GRAMD2A: variants seen among roughly 807,000 people sequenced by gnomAD.
The protein encoded by GRAMD2A is GRAM domain-containing protein 2A.
GRAMD2A carries 37 observed loss-of-function variants against 51.1 expected under a neutral mutation model. That is an observed-to-expected ratio of 0.72 (90% CI 0.56 to 0.95). The LOEUF (loss-of-function observed/expected upper bound fraction) is 0.95. Ranked by LOEUF, GRAMD2A falls within the 40% of genes least tolerant of loss-of-function variation. GRAMD2A has a pLI of 0.00. For synonymous variants in GRAMD2A, 136 were observed against 157.1 expected, an observed-to-expected ratio of 0.87 and a Z score of 1.01; for missense variants, 414 against 426.9, an observed-to-expected ratio of 0.97 and a Z score of 0.27.
At chr15:72,174,212 G>C (rs1596688740) in intron 1 of GRAMD2A, among the ~76,000 whole-genome samples, 1 of 152,194 alleles carries the variant, frequency 6.6e-6, no homozygotes, top group Middle Eastern at 3.2e-3. Context: ...GCCACCTGAA[G>C]AAGTACAGGG....
Position 72,160,176 on chromosome 15 carries a change from A to G in GRAMD2A, c.*1833T>C, listed in dbSNP as rs2081455831. The G allele has an allele frequency of 6.6e-6, 1 of 152,178 alleles. No homozygotes were observed. The highest frequency in any genetic ancestry group is 1.5e-5 in the Non-Finnish European group (1 of 68,064). 9.4% of individuals were successfully genotyped at this position (152,178 alleles called of 1,614,324 possible). ...CACCAGCATCTTGGCACATCCACCT[A>G]TAACTGGCACCTCTCATGGCCTCTG... On this transcript the variant is annotated 3_prime_UTR_variant, in exon 12 of 12. Coordinates refer to ENST00000309731, the MANE Select transcript of GRAMD2A (RefSeq NM_001012642.3).
chr15:72,178,703 T>G (rs921249580), intron 1 of GRAMD2A, among the ~76,000 whole-genome samples: 7 of 149,948 alleles, frequency 4.7e-5, no homozygotes, highest in Non-Finnish European at 7.4e-5. Flanking sequence ...GCCTCCGGAG[T>G]AGCTGGGACT....
intron 1 of GRAMD2A, among the ~76,000 whole-genome samples, chr15:72,179,725 C>T (rs187130712): frequency 4.3e-4 from 65 of 152,314 alleles, no homozygotes; most frequent in Non-Finnish European, 1.9e-4. Context: ...ACCCATAACC[C>T]TGCCCATTGA....
At chr15:72,189,129 A>G (rs979339394) in intron 1 of GRAMD2A, among the ~76,000 whole-genome samples, 14 of 152,338 alleles carry the variant, frequency 9.2e-5, no homozygotes, top group African/African-American at 3.1e-4. Flanking sequence ...ATTTTTAAAA[A>G]GGAGGAGAAG....
At position 72,166,945 on chromosome 15, in the gene GRAMD2A, G is replaced by C. The variant is rs979843707; in HGVS notation, c.471+49C>G. 2.1e-6 allele frequency: 3 copies of C among 1,450,270 alleles called. No homozygotes were observed. The highest frequency in any genetic ancestry group is 1.9e-6 in the Non-Finnish European group (2 of 1,031,032). 89.8% of individuals were successfully genotyped at this position (1,450,270 alleles called of 1,614,324 possible). On this transcript the variant is annotated intron_variant, in intron 6 of 11. Transcript: ENST00000309731. This position sits in a 1 kb window ranked among gnomAD's most constrained non-coding sequence, Gnocchi z 4.1. ...GCCCGAGTCAGACTGTGGGCTGTCA[G>C]GGCTGGGAGCGGGAGACTGACAAGG...
intron 1 of GRAMD2A, among the ~76,000 whole-genome samples, chr15:72,180,864 G>C (rs2081691769): frequency 6.6e-6 from 1 of 152,148 alleles, no homozygotes; most frequent in Non-Finnish European, 1.5e-5. Context: ...AGGGAAAAAA[G>C]CAGAGGCCAC....
chr15:72,197,532 G>A (rs1292760906), intron 1 of GRAMD2A, among the ~76,000 whole-genome samples, 199 bp downstream of exon 1: 1 of 151,970 alleles, frequency 6.6e-6, no homozygotes, highest in East Asian at 1.9e-4. Context: ...CGAACACCTC[G>A]CGGGCCCCGG....
chr15:72,167,649 AG>A, intron 5 of GRAMD2A, 86 bp downstream of exon 5: 1 of 1,008,744 alleles, frequency 9.9e-7, no homozygotes, highest in South Asian at 1.3e-5. Context: ...GCACGCAGAG[AG>A]ATAGGCATGA....
chr15:72,165,217 C>G (rs2081528945), intron 8 of GRAMD2A, 137 bp downstream of exon 8: 4 of 741,482 alleles, frequency 5.4e-6, no homozygotes, highest in Non-Finnish European at 9.2e-6. Context: ...TTAAGAGATG[C>G]CCTGGCATAG....
rs562385759 is a variant in GRAMD2A at position 72,180,812 on chromosome 15, G to A, written c.42-10873C>T. 2.6e-5 allele frequency among the ~76,000 whole-genome samples: 4 copies of A among 152,310 alleles called. No homozygotes were observed. The South Asian group carries it at 6.2e-4, about 24-fold the overall frequency. ...GCCTCAGTGACTCCTCTGCAAAGGG[G>A]CGAGAAAGTCACAGCCCAGGAGGGA... On this transcript the variant is annotated intron_variant, in intron 1 of 11. Transcript: ENST00000309731.
chr15:72,184,607 T>C (rs1444214932), intron 1 of GRAMD2A, among the ~76,000 whole-genome samples: 1 of 152,130 alleles, frequency 6.6e-6, no homozygotes, highest in Non-Finnish European at 1.5e-5. Flanking sequence ...CCAACTCGGC[T>C]CCCCCAGGCT....
intron 3 of GRAMD2A, 114 bp from the exon 4 acceptor site, chr15:72,168,680 A>G (rs995414355): frequency 3.4e-6 from 3 of 893,936 alleles, no homozygotes; most frequent in Non-Finnish European, 5.6e-6. Context: ...GGGACTTAGC[A>G]TGAGGCAGCT....
intron 1 of GRAMD2A, among the ~76,000 whole-genome samples, chr15:72,192,598 T>G (rs1198200493): frequency 6.6e-6 from 1 of 152,132 alleles, no homozygotes; most frequent in Non-Finnish European, 1.5e-5. Flanking sequence ...GTGCGGTGGG[T>G]AAGGCAATGA....
intron 7 of GRAMD2A, among the ~76,000 whole-genome samples, chr15:72,165,666 G>T (rs1266347240): frequency 2.0e-5 from 3 of 152,142 alleles, no homozygotes; most frequent in Non-Finnish European, 4.4e-5. Flanking sequence ...GAGTCATAGG[G>T]CATGTTGGGA....
At chr15:72,169,262 G>T in intron 2 of GRAMD2A, 1 of 544,522 alleles carries the variant, frequency 1.8e-6, no homozygotes, top group Non-Finnish European at 3.3e-6. Flanking sequence ...GCATCTCCTG[G>T]AGGTGCGCCT....
At chr15:72,172,722 T>C (rs1022714448) in intron 1 of GRAMD2A, among the ~76,000 whole-genome samples, 2 of 152,150 alleles carry the variant, frequency 1.3e-5, no homozygotes, top group African/African-American at 4.8e-5. Context: ...TGAGCCACCA[T>C]ACCTGGCCTG....
chr15:72,170,394 G>A lies in GRAMD2A; in HGVS notation c.42-455C>T. ...CGGGAAAGTAGGCTGAGCACAGGAG[G>A]CCTTATCAAAGCTCAGGAGCTGATG... On this transcript the variant is annotated intron_variant, in intron 1 of 11. Transcript: ENST00000309731. This position sits in a 1 kb window ranked among gnomAD's most constrained non-coding sequence, Gnocchi z 4.5. 2.2e-6 allele frequency: 1 copy of A among 456,444 alleles called. No homozygotes were observed. Among genetic ancestry groups the A allele is most frequent in the South Asian group, 1.5e-5 (1 of 64,556 alleles). 28.3% of individuals were successfully genotyped at this position (456,444 alleles called of 1,614,324 possible).
At position 72,172,695 on chromosome 15, in the gene GRAMD2A, T is replaced by C. The variant is rs1020352739; in HGVS notation, c.42-2756A>G. 2.0e-5 allele frequency among the ~76,000 whole-genome samples: 3 copies of C among 152,084 alleles called. No homozygotes were observed. The East Asian group carries it at 5.8e-4, about 29-fold the overall frequency. ...TTCACCTGCCTTGGCCTCTCCAAAG[T>C]GCTGGGATTACAGGTGTGAGCCACC... On this transcript the variant is annotated intron_variant, in intron 1 of 11. Transcript: ENST00000309731.
intron 1 of GRAMD2A, among the ~76,000 whole-genome samples, chr15:72,183,810 G>C (rs913303634): frequency 2.0e-5 from 3 of 152,240 alleles, no homozygotes; most frequent in African/African-American, 7.2e-5. Flanking sequence ...AGGACGCAAA[G>C]GCAGTCCCTG....
Sources: gnomAD v4.1 joint callset for allele counts (sites outside exome capture counted in the v4.1 genomes callset) on GRCh38, gnomAD v4.1.1 for gene constraint, Gnocchi (gnomAD v3.1) non-coding constraint, MANE v1.5 for transcripts, NCBI Gene and HGNC (gene_info 2026-07-23, HGNC 2026-07-21) for gene names.